GRIN2D: variants seen among roughly 807,000 people sequenced by gnomAD.
GRIN2D encodes glutamate ionotropic receptor NMDA type subunit 2D, also known as glutamate receptor ionotropic, NMDA 2D.
GRIN2D carries 37 observed loss-of-function variants against 103.2 expected under a neutral mutation model. That is an observed-to-expected ratio of 0.36 (90% CI 0.28 to 0.47). The LOEUF is 0.47. Among genes scored for constraint, GRIN2D ranks in the 20% least tolerant of loss-of-function variants. The pLI, the probability that GRIN2D is intolerant of heterozygous loss-of-function variation, is 1.00. For missense variants in GRIN2D, 1,557 were observed against 1,910.6 expected, an observed-to-expected ratio of 0.81 and a Z score of 3.45; for synonymous variants, 845 against 885.6, an observed-to-expected ratio of 0.95 and a Z score of 0.81.
At position 48,442,566 on chromosome 19, in the gene GRIN2D, C is replaced by A; in HGVS notation, c.2674-34C>A. On this transcript the variant is annotated intron_variant, in intron 13 of 13. Transcript: ENST00000263269. This position sits in a 1 kb window ranked among gnomAD's most constrained non-coding sequence, Gnocchi z 7.2. ...AGGCGGGCAGGCGTCCTGGGCATCT[C>A]GCGCTGACCCCCGTCCTGTCCCCGG... 1 of 1,479,548 alleles carries A rather than the reference C, an allele frequency of 6.8e-7. No homozygotes were observed. The highest frequency in any genetic ancestry group is 8.9e-7 in the Non-Finnish European group (1 of 1,121,336). 91.7% of individuals were successfully genotyped at this position (1,479,548 alleles called of 1,614,324 possible).
chr19:48,426,180 C>CT (rs1038320362), intron 11 of GRIN2D, among the ~76,000 whole-genome samples: 36 of 147,282 alleles, frequency 2.4e-4, no homozygotes, highest in African/African-American at 9.0e-4. Context: ...ATGAATATTG[C>CT]TTTTTTTCTT....
chr19:48,412,408 AAGAAAG>A (rs1569063016), intron 4 of GRIN2D, among the ~76,000 whole-genome samples: 1 of 148,088 alleles, frequency 6.8e-6, no homozygotes, highest in African/African-American at 2.5e-5. Flanking sequence ...AAAAGAAAGA[AAGAAAG>A]AGAAAGAAAA....
chr19:48,410,500 C>A (rs1970844668), intron 4 of GRIN2D, among the ~76,000 whole-genome samples: 1 of 127,376 alleles, frequency 7.9e-6, no homozygotes, highest in African/African-American at 3.2e-5. Flanking sequence ...TGCACTCCAG[C>A]CTGGGCAACA....
At position 48,443,336 on chromosome 19, in the gene GRIN2D, T is replaced by C; in HGVS notation, c.3410T>C (p.Phe1137Ser). 1.3e-6 allele frequency: 2 copies of C among 1,534,406 alleles called. No homozygotes were observed. The highest frequency in any genetic ancestry group is 1.7e-6 in the Non-Finnish European group (2 of 1,151,150). ...GGLEPWWFAD[F>S]PYPYAERLGP... is the part of the protein sequence containing the mutation. ...CTGGAGCCCTGGTGGTTCGCCGACT[T>C]CCCTTACCCGTATGCCGAGCGCCTC... Residue 1137 changes from phenylalanine to serine, a missense_variant, in exon 14 of 14, where the codon TTC becomes TCC. This residue lies in a region of GRIN2D where 632 missense variants were observed against 572.8 expected (regional missense o/e 1.10). Transcript: ENST00000263269. This position sits in a 1 kb window ranked among gnomAD's most constrained non-coding sequence, Gnocchi z 8.9.
intron 3 of GRIN2D, among the ~76,000 whole-genome samples, chr19:48,399,954 G>C (rs1227681303): frequency 6.6e-6 from 1 of 152,054 alleles, no homozygotes; most frequent in African/African-American, 2.4e-5. Context: ...CCGGTCCTGA[G>C]AGTAGGGTTT....
chr19:48,443,687 G>C lies in GRIN2D; in HGVS notation c.3761G>C (p.Arg1254Pro), dbSNP rs1419781537. ...AAAAPHHHRH[R>P]RAAGGWDLPP... The stretch of plus-strand genomic sequence containing the variant: ...GCCGCGCCCCACCACCACAGGCACC[G>C]GCGCGCCGCTGGGGGCTGGGACCTC... Residue 1254 changes from arginine (R) to proline (P), a missense_variant, in exon 14 of 14, where the codon CGG becomes CCG. Arg to Pro is a moderately radical substitution (Grantham distance 103). This residue lies in a region of GRIN2D where 632 missense variants were observed against 572.8 expected (regional missense o/e 1.10). Transcript: ENST00000263269. The surrounding 1 kb of genome is among the most constrained non-coding windows in gnomAD (Gnocchi z 8.9). The C allele has an allele frequency of 7.3e-6, 9 of 1,228,276 alleles. No individual in the cohort carries two copies. The Admixed American group carries it at 1.3e-4, about 18-fold the overall frequency. 76.1% of individuals were successfully genotyped at this position (1,228,276 alleles called of 1,614,324 possible).
At position 48,425,022 on chromosome 19, in the gene GRIN2D, T is replaced by TTC. The variant is rs111577135; in HGVS notation, c.2252+3098_2252+3099dup. On this transcript the variant is annotated intron_variant, in intron 11 of 13. Coordinates refer to ENST00000263269, the MANE Select transcript of GRIN2D (RefSeq NM_000836.4). ...GACCCTGAGAATTCCAGATTCTCTC[T>TTC]TCTCTCTCTCTCTCTCTCTCTCACA... 6.0e-4 allele frequency among the ~76,000 whole-genome samples: 89 copies of TTC among 148,738 alleles called. 1 individual carries two copies. The highest frequency in any genetic ancestry group is 4.9e-3 in the South Asian group (23 of 4,700).
intron 4 of GRIN2D, among the ~76,000 whole-genome samples, chr19:48,413,185 A>C (rs1970897772): frequency 7.0e-6 from 1 of 143,732 alleles, no homozygotes; most frequent in Non-Finnish European, 1.5e-5. Context: ...TAAAAAAAAA[A>C]AAAAAGAAAG....
intron 3 of GRIN2D, 28 bp downstream of exon 3, chr19:48,398,885 C>T: frequency 7.9e-7 from 1 of 1,270,676 alleles, no homozygotes; most frequent in Non-Finnish European, 9.9e-7. Context: ...GGGGCGGGGC[C>T]ACAGGAGGGG....
Position 48,443,195 on chromosome 19 carries a change from C to T in GRIN2D, c.3269C>T (p.Pro1090Leu). 1.7e-6 allele frequency: 2 copies of T among 1,176,760 alleles called. No individual in the cohort carries two copies. Among genetic ancestry groups the T allele is most frequent in the South Asian group, 2.8e-5 (1 of 35,830 alleles). The allele number at this position is 1,176,760 out of a possible 1,614,324, so 72.9% of individuals were successfully genotyped here. A position where few individuals can be genotyped will look rare whatever the true frequency, so the allele number is the denominator to read the frequency against. ...GGTGGAGGGA[P>L]AAPPPCRAAP... The stretch of plus-strand genomic sequence containing the variant: ...ACGGGGGGCGCAGGCGGAGGAGCCC[C>T]GGCCGCTCCGCCCCCGTGCCGCGCC... Residue 1090 changes from proline (P) to leucine (L), a missense_variant, in exon 14 of 14, where the codon CCG becomes CTG. By Grantham distance (98) the Pro-to-Leu change is moderately conservative. Around this residue, in one of 7 missense-constraint regions of GRIN2D, gnomAD observed 632 missense variants for 572.8 expected, o/e 1.10. Transcript: ENST00000263269. This position sits in a 1 kb window ranked among gnomAD's most constrained non-coding sequence, Gnocchi z 8.9.
chr19:48,443,667 GC>G lies in GRIN2D; in HGVS notation c.3745del (p.His1249ThrfsTer269). On this transcript the variant is annotated frameshift_variant, in exon 14 of 14. Transcript: ENST00000263269. LOFTEE classifies it high-confidence loss of function. The surrounding 1 kb of genome is among the most constrained non-coding windows in gnomAD (Gnocchi z 8.9). ...CGCACCGCACGCCCGCCGCCGCCGC[GC>G]CCCACCACCACAGGCACCGGCGCGC... ...ASHRTPAAAA[P>X]HHHRHRRAAG... 1 of 1,185,802 alleles carries G rather than the reference GC, an allele frequency of 8.4e-7. No individual in the cohort carries two copies. Among genetic ancestry groups the G allele is most frequent in the South Asian group, 3.4e-5 (1 of 28,998 alleles). The allele number at this position is 1,185,802 out of a possible 1,614,324, so 73.5% of individuals were successfully genotyped here.
Position 48,443,662 on chromosome 19 carries a change from G to T in GRIN2D, c.3736G>T (p.Ala1246Ser). The T allele has an allele frequency of 2.6e-6, 3 of 1,165,420 alleles. No individual in the cohort carries two copies. Among genetic ancestry groups the T allele is most frequent in the Non-Finnish European group, 3.2e-6 (3 of 948,100 alleles). 72.2% of individuals were successfully genotyped at this position (1,165,420 alleles called of 1,614,324 possible). Residue 1246 changes from alanine (A) to serine (S), a missense_variant, in exon 14 of 14, where the codon GCC (alanine) becomes TCC (serine). Physicochemically the swap from Ala to Ser is moderately conservative, Grantham distance 99 (BLOSUM62 1). Coordinates refer to ENST00000263269, the MANE Select transcript of GRIN2D (RefSeq NM_000836.4). This position sits in a 1 kb window ranked among gnomAD's most constrained non-coding sequence, Gnocchi z 8.9. ...PRASHRTPAA[A>S]APHHHRHRRA... Reference sequence around the variant, plus strand: ...GGCCTCGCACCGCACGCCCGCCGCCGCCGCGCCCCACCACCACAGGCACCG... The same window carrying T: ...GGCCTCGCACCGCACGCCCGCCGCCTCCGCGCCCCACCACCACAGGCACCG...
chr19:48,433,280 G>A (rs982462508), intron 11 of GRIN2D, among the ~76,000 whole-genome samples: 2 of 151,694 alleles, frequency 1.3e-5, no homozygotes, highest in African/African-American at 2.4e-5. Context: ...AGGCAGAATC[G>A]CTTGAACCCG....
chr19:48,411,316 C>T (rs1970856072), intron 4 of GRIN2D, among the ~76,000 whole-genome samples: 1 of 140,854 alleles, frequency 7.1e-6, no homozygotes, highest in African/African-American at 2.7e-5. Context: ...CAGAGTGAGA[C>T]CCCGTCTCAA....
intron 11 of GRIN2D, among the ~76,000 whole-genome samples, chr19:48,431,113 T>C (rs1021949043): frequency 6.6e-6 from 1 of 152,188 alleles, no homozygotes; most frequent in Non-Finnish European, 1.5e-5. Flanking sequence ...CCACTGTGCC[T>C]GGCCTTGTCA....
In GRIN2D at chr19:48,421,964, C is replaced by G. The variant is rs773549391; in HGVS notation, c.2252+19C>G. 1.9e-6 allele frequency: 3 copies of G among 1,609,812 alleles called. No individual in the cohort carries two copies. Among genetic ancestry groups the G allele is most frequent in the Non-Finnish European group, 2.5e-6 (3 of 1,177,604 alleles). On this transcript the variant is annotated intron_variant, in intron 11 of 13. Transcript: ENST00000263269. This position sits in a 1 kb window ranked among gnomAD's most constrained non-coding sequence, Gnocchi z 4.8. ...AGGCAGGGTCAGCGCAGACTCGGGC[C>G]GGGGGTGGGGGTTGGGCCGCTGGGG...
intron 9 of GRIN2D, 89 bp downstream of exon 9, chr19:48,419,448 G>A (rs541207892): frequency 4.0e-6 from 6 of 1,499,444 alleles, no homozygotes; most frequent in Non-Finnish European, 5.4e-6. Context: ...TGGAGGGGGG[G>A]CGGTCAAGCT....
intron 3 of GRIN2D, among the ~76,000 whole-genome samples, chr19:48,399,081 G>A (rs182445619): frequency 1.5e-3 from 230 of 152,348 alleles, no homozygotes; most frequent in African/African-American, 4.3e-3. Flanking sequence ...TGGGCCTTTA[G>A]GGTCAGAAAG....
At chr19:48,423,200 G>C (rs957387910) in intron 11 of GRIN2D, among the ~76,000 whole-genome samples, 10 of 152,218 alleles carry the variant, frequency 6.6e-5, no homozygotes, top group African/African-American at 2.4e-4. Flanking sequence ...AACAGAGACA[G>C]ACTCCGTCTC....
Sources: allele counts gnomAD v4.1 joint callset (sites outside exome capture counted in the v4.1 genomes callset), GRCh38; gene constraint gnomAD v4.1.1; regional missense constraint gnomAD v4.1.1; non-coding constraint Gnocchi (gnomAD v3.1); transcripts MANE v1.5; gene names NCBI Gene and HGNC (gene_info 2026-07-23, HGNC 2026-07-21).